VKORC1L1: variants seen among roughly 807,000 people sequenced by gnomAD.
VKORC1L1 encodes the protein vitamin K epoxide reductase complex subunit 1L1, also known as vitamin K epoxide reductase complex subunit 1-like protein 1.
A neutral mutation model predicts 18.9 loss-of-function variants in VKORC1L1; 2 were observed. The observed-to-expected ratio is 0.11, with a 90% CI of 0.04 to 0.33. The LOEUF is 0.33. Ranked by LOEUF, VKORC1L1 falls within the 10% of genes least tolerant of loss-of-function variation. The pLI is 1.00. For synonymous variants in VKORC1L1, 96 were observed against 100.0 expected (o/e 0.96, Z 0.24); for missense variants, 123 against 224.1 (o/e 0.55, Z 2.88).
chr7:65,895,221 A>G (rs1444623860), intron 1 of VKORC1L1, among the ~76,000 whole-genome samples: 1 of 152,128 alleles, frequency 6.6e-6, no homozygotes, highest in East Asian at 1.9e-4. Flanking sequence ...CTTTACTTTC[A>G]TTATAAGCAC....
chr7:65,884,585 C>T (rs1055192819), intron 1 of VKORC1L1, among the ~76,000 whole-genome samples: 37 of 152,170 alleles, frequency 2.4e-4, no homozygotes, highest in Non-Finnish European at 1.0e-4. Flanking sequence ...TGCAGTGAGC[C>T]GAGATCATGC....
At position 65,909,690 on chromosome 7, in the gene VKORC1L1, TTGTGTGTGTGTG is replaced by T. The variant is rs56074368; in HGVS notation, c.194+36162_194+36173del. Among the ~76,000 whole-genome samples, 496 of 123,840 alleles carry T rather than the reference TTGTGTGTGTGTG, an allele frequency of 4.0e-3. 3 individuals carry two copies. Among genetic ancestry groups the T allele is most frequent in the African/African-American group, 0.011 (337 of 31,746 alleles). The allele number at this position is 123,840 out of a possible 152,430, so 81.2% of individuals were successfully genotyped here. A position where few individuals can be genotyped will look rare whatever the true frequency, so the allele number is the denominator to read the frequency against. ...AAGCTTCTAACTTTTGTTTTAGCCT[TTGTGTGTGTGTG>T]TGTGTGTGTGTGTGTGTGTGTGTGT... On this transcript the variant is annotated intron_variant, in intron 1 of 2. Coordinates refer to ENST00000360768, the MANE Select transcript of VKORC1L1 (RefSeq NM_173517.6).
intron 1 of VKORC1L1, among the ~76,000 whole-genome samples, chr7:65,916,817 C>T (rs1789596992): frequency 6.6e-6 from 1 of 152,156 alleles, no homozygotes; most frequent in Admixed American, 6.5e-5. Context: ...AGGCTGGTCT[C>T]GAACTCCTGA....
chr7:65,891,601 G>A (rs1789112169), intron 1 of VKORC1L1, among the ~76,000 whole-genome samples: 1 of 152,040 alleles, frequency 6.6e-6, no homozygotes, highest in Non-Finnish European at 1.5e-5. Flanking sequence ...CTAGCTAGTG[G>A]CTGGCCTTTC....
At chr7:65,868,230 A>G (rs1009200543), upstream of VKORC1L1, among the ~76,000 whole-genome samples, 2 of 152,152 alleles carry the variant, frequency 1.3e-5, no homozygotes, top group African/African-American at 4.8e-5. Flanking sequence ...TGAGGTGGGC[A>G]GATAACTGGA....
At chr7:65,874,362 T>C (rs1336809344) in intron 1 of VKORC1L1, among the ~76,000 whole-genome samples, 1 of 151,972 alleles carries the variant, frequency 6.6e-6, no homozygotes, top group Admixed American at 6.6e-5. Flanking sequence ...GAATGACTTT[T>C]AAACGTTGTT....
At chr7:65,924,061 G>A (rs1257602767) in intron 1 of VKORC1L1, among the ~76,000 whole-genome samples, 1 of 152,138 alleles carries the variant, frequency 6.6e-6, no homozygotes, top group Non-Finnish European at 1.5e-5. Flanking sequence ...TGCATGAGGT[G>A]GTACCACCCT....
intron 1 of VKORC1L1, among the ~76,000 whole-genome samples, chr7:65,921,847 CA>C (rs781755033): frequency 0.048 from 6,192 of 129,364 alleles, 168 homozygotes; most frequent in East Asian, 0.096. Flanking sequence ...GACTCCATCT[CA>C]AAAAAAAAAA....
intron 1 of VKORC1L1, among the ~76,000 whole-genome samples, chr7:65,900,334 G>A (rs190992148): frequency 6.6e-6 from 1 of 151,774 alleles, no homozygotes. Context: ...GGCGGAGCTT[G>A]CAGTGAGCTG....
At chr7:65,912,149 CTT>C (rs1789512693) in intron 1 of VKORC1L1, among the ~76,000 whole-genome samples, 1 of 152,134 alleles carries the variant, frequency 6.6e-6, no homozygotes. Flanking sequence ...AATGCTGTAA[CTT>C]TATATTTCAT....
chr7:65,897,063 T>C (rs1221585876), intron 1 of VKORC1L1, among the ~76,000 whole-genome samples: 1 of 152,038 alleles, frequency 6.6e-6, no homozygotes, highest in Non-Finnish European at 1.5e-5. Flanking sequence ...TAAACAAAAT[T>C]GGGACTCCAG....
chr7:65,939,817 CAT>C (rs900206559), intron 1 of VKORC1L1, among the ~76,000 whole-genome samples: 7 of 152,134 alleles, frequency 4.6e-5, no homozygotes, highest in Non-Finnish European at 8.8e-5. Context: ...AGACAATACT[CAT>C]GTGTATGGGC....
intron 1 of VKORC1L1, among the ~76,000 whole-genome samples, chr7:65,938,027 G>A (rs1259628279): frequency 6.6e-6 from 1 of 151,184 alleles, no homozygotes; most frequent in Non-Finnish European, 1.5e-5. Flanking sequence ...TGCCAACATG[G>A]TGAAACCCCG....
rs866061446 is a variant in VKORC1L1, at chr7:65,932,486, C to A, written c.195-16185C>A. ...ATAAGCATTTTAATGCTATAAATTT[C>A]TCTCTCAGCACTACTTTAGCTGCAT... On this transcript the variant is annotated intron_variant, in intron 1 of 2. Coordinates refer to ENST00000360768, the MANE Select transcript of VKORC1L1 (RefSeq NM_173517.6). Among the ~76,000 whole-genome samples, 28 of 152,296 alleles carry A rather than the reference C, an allele frequency of 1.8e-4. 1 individual carries two copies. The highest frequency in any genetic ancestry group is 5.8e-4 in the African/African-American group (24 of 41,562).
At chr7:65,950,495 A>C (rs1219847163) in intron 2 of VKORC1L1, among the ~76,000 whole-genome samples, 1 of 152,172 alleles carries the variant, frequency 6.6e-6, no homozygotes, top group Non-Finnish European at 1.5e-5. Context: ...TTGATTTGTT[A>C]TGAGGCAAAT....
At chr7:65,922,357 C>A (rs554997668) in intron 1 of VKORC1L1, among the ~76,000 whole-genome samples, 4 of 151,742 alleles carry the variant, frequency 2.6e-5, no homozygotes, top group Admixed American at 2.0e-4. Context: ...CTTGGCTGAC[C>A]GCAACCTCTG....
In VKORC1L1 at chr7:65,890,098, C is replaced by T. The variant is rs570273490; in HGVS notation, c.194+16533C>T. Among the ~76,000 whole-genome samples, 7 of 150,764 alleles carry T rather than the reference C, an allele frequency of 4.6e-5. No individual in the cohort carries two copies. The South Asian group carries it at 6.3e-4, about 14-fold the overall frequency. On this transcript the variant is annotated intron_variant, in intron 1 of 2. Transcript: ENST00000360768. ...TCAGCCTGCCAAGTAGCTGGGACTA[C>T]AGGTGCACACCACCACACCTGGGTA...
intron 1 of VKORC1L1, among the ~76,000 whole-genome samples, chr7:65,907,329 A>G (rs915747645): frequency 2.0e-5 from 3 of 152,036 alleles, no homozygotes; most frequent in African/African-American, 7.2e-5. Context: ...CCCAGCTACA[A>G]CAGAGGCTGA....
intron 1 of VKORC1L1, among the ~76,000 whole-genome samples, chr7:65,947,094 C>T (rs879257350): frequency 6.6e-6 from 1 of 152,060 alleles, no homozygotes; most frequent in African/African-American, 2.4e-5. Context: ...GTCATGATTG[C>T]AACTGCACTG....
Sources: allele counts gnomAD v4.1 joint callset (sites outside exome capture counted in the v4.1 genomes callset), GRCh38; gene constraint gnomAD v4.1.1; transcripts MANE v1.5; gene names NCBI Gene and HGNC (gene_info 2026-07-23, HGNC 2026-07-21).